The following SESN1 variants were observed in gnomAD, a reference collection of about 807,000 sequenced individuals.
SESN1 encodes sestrin-1.
Under a neutral mutation model 59.3 loss-of-function variants are expected in SESN1, and 30 were observed. The observed-to-expected ratio is 0.51, with a 90% CI of 0.38 to 0.69. SESN1 has a LOEUF of 0.69. Ranked by LOEUF, SESN1 falls within the 30% of genes least tolerant of loss-of-function variation. SESN1 has a pLI of 0.00. For synonymous variants in SESN1, 197 were observed against 219.9 expected, an observed-to-expected ratio of 0.90 and a Z score of 0.92; for missense variants, 566 against 673.0, an observed-to-expected ratio of 0.84 and a Z score of 1.76.
At chr6:108,994,367 C>T (rs1358608689) in intron 6 of SESN1, 95 bp downstream of exon 6, 7 of 989,742 alleles carry the variant, frequency 7.1e-6, no homozygotes, top group Non-Finnish European at 1.0e-5. Context: ...AAAGGAAGGA[C>T]ATATTTAGAT....
intron 1 of SESN1, chr6:109,009,636 A>G: frequency 1.1e-6 from 1 of 886,788 alleles, no homozygotes; most frequent in Non-Finnish European, 1.4e-6. Context: ...CGGCCACGCA[A>G]GCCAATGCGG....
At chr6:109,044,077 G>T (rs979230677) in intron 1 of SESN1, among the ~76,000 whole-genome samples, 4 of 151,892 alleles carry the variant, frequency 2.6e-5, no homozygotes, top group Admixed American at 2.6e-4. Context: ...CACTTTGGGA[G>T]GCCAAGGCAA....
At chr6:109,075,023 G>C (rs1781009016) in intron 1 of SESN1, among the ~76,000 whole-genome samples, 1 of 152,208 alleles carries the variant, frequency 6.6e-6, no homozygotes, top group Non-Finnish European at 1.5e-5. Context: ...CCTAGTGAGG[G>C]GGCAGGCACT....
rs116654718 is a variant in SESN1, at chr6:109,060,897, C to T, written c.279+32898G>A. 8.7e-3 allele frequency among the ~76,000 whole-genome samples: 1,317 copies of T among 152,218 alleles called. 24 individuals carry two copies. Among genetic ancestry groups the T allele is most frequent in the African/African-American group, 0.03 (1,249 of 41,516 alleles). ...TATGCCAGGCAACTTTCAATGTCTC[C>T]AGGAAAAGTATCCACTGCTCTTTCT... On this transcript the variant is annotated intron_variant, in intron 1 of 9. Coordinates refer to ENST00000436639, the MANE Select transcript of SESN1 (RefSeq NM_014454.3).
chr6:109,056,060 T>G lies in SESN1; in HGVS notation c.279+37735A>C, dbSNP rs190106321. 2.3e-3 allele frequency among the ~76,000 whole-genome samples: 348 copies of G among 152,306 alleles called. 2 individuals are homozygous for G. The highest frequency in any genetic ancestry group is 1.9e-3 in the East Asian group (10 of 5,178). The stretch of plus-strand genomic sequence containing the variant: ...AAGCTATTTCTGTTAGCTAGCTAGG[T>G]GCCAGTGAGAACTTTATTTCTAAAA... On this transcript the variant is annotated intron_variant, in intron 1 of 9. Transcript: ENST00000436639.
chr6:109,034,498 C>T (rs936596908), intron 1 of SESN1, among the ~76,000 whole-genome samples: 1 of 152,080 alleles, frequency 6.6e-6, no homozygotes, highest in African/African-American at 2.4e-5. Context: ...ATTTACTGAT[C>T]AGCATCGTAG....
chr6:109,091,874 C>G (rs549881648), intron 1 of SESN1, among the ~76,000 whole-genome samples: 1 of 152,180 alleles, frequency 6.6e-6, no homozygotes, highest in East Asian at 1.9e-4. Context: ...TCTATTCAGA[C>G]TACTGATGAA....
chr6:109,088,165 C>T (rs988989167), intron 1 of SESN1: 1 of 151,882 alleles, frequency 6.6e-6, no homozygotes, highest in Non-Finnish European at 1.5e-5. Flanking sequence ...AAACTCTTTT[C>T]TTCTTAGCTG....
Position 109,046,347 on chromosome 6 carries a change from G to A in SESN1, c.280-44004C>T, listed in dbSNP as rs1298561905. On this transcript the variant is annotated intron_variant, in intron 1 of 9. Coordinates refer to ENST00000436639, the MANE Select transcript of SESN1 (RefSeq NM_014454.3). ...TGATCCGCCAGCCTTGGCCTCCCGA[G>A]GTGCCGGGATTGCAGACGGAGTCTC... 1.4e-4 allele frequency among the ~76,000 whole-genome samples: 22 copies of A among 151,928 alleles called. 1 individual carries two copies. The South Asian group carries it at 3.3e-3, about 23-fold the overall frequency.
At position 109,023,958 on chromosome 6, in the gene SESN1, A is replaced by G. The variant is rs557659378; in HGVS notation, c.280-21615T>C. ...GAATGAGTGATTTTTTTTTCTGTAGAATGAAATTCAATGATCACACACACA... is the reference window on the plus strand; with the variant it reads ...GAATGAGTGATTTTTTTTTCTGTAGGATGAAATTCAATGATCACACACACA... On this transcript the variant is annotated intron_variant, in intron 1 of 9. Transcript: ENST00000436639. Among the ~76,000 whole-genome samples the G allele has an allele frequency of 3.3e-5, 5 of 152,146 alleles. No individual in the cohort carries two copies. The East Asian group carries it at 9.6e-4, about 29-fold the overall frequency.
intron 1 of SESN1, among the ~76,000 whole-genome samples, chr6:109,072,086 C>T (rs1780945206): frequency 6.6e-6 from 1 of 152,194 alleles, no homozygotes; most frequent in Non-Finnish European, 1.5e-5. Context: ...AATCTCTGCT[C>T]TGAAAACTTT....
rs1229039486 is a variant in SESN1 at position 109,047,723 on chromosome 6, G to A, written c.280-45380C>T. On this transcript the variant is annotated intron_variant, in intron 1 of 9. Coordinates refer to ENST00000436639, the MANE Select transcript of SESN1 (RefSeq NM_014454.3). ...GTCTGTGTAGAAAGAAGTAGACATG[G>A]GAGACTTTTCATTTTGTTCTGCACT... 1.4e-5 allele frequency among the ~76,000 whole-genome samples: 2 copies of A among 145,232 alleles called. 1 individual carries two copies. The highest frequency in any genetic ancestry group is 3.1e-5 in the Non-Finnish European group (2 of 64,962).
chr6:109,007,606 C>T (rs1779759447), intron 1 of SESN1, among the ~76,000 whole-genome samples: 1 of 152,122 alleles, frequency 6.6e-6, no homozygotes, highest in South Asian at 2.1e-4. Flanking sequence ...CCCACTCGCC[C>T]TTCTCTGGGA....
rs1779806730 is a variant in SESN1 at position 109,009,306 on chromosome 6, G to A, written c.280-6963C>T. ...CGTGTTGCACAGGGCAGCTCGGCCGGGTGCCCACCCGCCCAGGTACCCAGC... is the reference window on the plus strand; with the variant it reads ...CGTGTTGCACAGGGCAGCTCGGCCGAGTGCCCACCCGCCCAGGTACCCAGC... On this transcript the variant is annotated intron_variant, in intron 1 of 9. Transcript: ENST00000436639. The A allele has an allele frequency of 9.1e-6, 13 of 1,422,088 alleles. No individual in the cohort carries two copies. In the South Asian group the frequency reaches 1.5e-4, roughly 17 times the overall value. 88.1% of individuals were successfully genotyped at this position (1,422,088 alleles called of 1,614,324 possible). A position where few individuals can be genotyped will look rare whatever the true frequency, so the allele number is the denominator to read the frequency against.
At chr6:109,028,302 T>C (rs1780126923) in intron 1 of SESN1, among the ~76,000 whole-genome samples, 1 of 152,250 alleles carries the variant, frequency 6.6e-6, no homozygotes, top group African/African-American at 2.4e-5. Flanking sequence ...ATATCTGTTG[T>C]ATCTGACTAT....
chr6:109,047,409 C>G (rs1393989157), intron 1 of SESN1, among the ~76,000 whole-genome samples: 20 of 136,124 alleles, frequency 1.5e-4, no homozygotes, highest in African/African-American at 5.0e-4. Context: ...TCTGCCCGGC[C>G]GCCCCTACTG....
At chr6:109,040,374 G>A (rs1369482963) in intron 1 of SESN1, among the ~76,000 whole-genome samples, 1 of 152,172 alleles carries the variant, frequency 6.6e-6, no homozygotes, top group Non-Finnish European at 1.5e-5. Flanking sequence ...TGGGGTTGAA[G>A]AAGGATTAAA....
intron 1 of SESN1, among the ~76,000 whole-genome samples, chr6:109,020,302 T>C (rs2114368684): frequency 6.6e-6 from 1 of 152,360 alleles, no homozygotes; most frequent in African/African-American, 2.4e-5. Flanking sequence ...CAAAATAGAT[T>C]AGATTTTAGT....
intron 7 of SESN1, 116 bp downstream of exon 7, chr6:108,992,671 C>T (rs994953975): frequency 2.9e-4 from 202 of 702,384 alleles, no homozygotes; most frequent in Non-Finnish European, 4.5e-4. Flanking sequence ...TGAAACAAGA[C>T]GAGATACTGC....
Sources: allele counts gnomAD v4.1 joint callset (sites outside exome capture counted in the v4.1 genomes callset), GRCh38; gene constraint gnomAD v4.1.1; transcripts MANE v1.5; gene names NCBI Gene and HGNC (gene_info 2026-07-23, HGNC 2026-07-21).